The following PRMT8 variants were observed in gnomAD, a reference collection of about 807,000 sequenced individuals.
PRMT8 encodes the protein protein arginine N-methyltransferase 8.
In PRMT8, 7 loss-of-function variants were observed where a neutral mutation model predicts 47.1. That is an observed-to-expected ratio of 0.15 (90% CI 0.08 to 0.28). The LOEUF is 0.28. Ranked by LOEUF, PRMT8 falls within the 10% of genes least tolerant of loss-of-function variation. The pLI is 1.00. For synonymous variants in PRMT8, 188 were observed against 186.5 expected (o/e 1.01, Z -0.07); for missense variants, 237 against 505.4 (o/e 0.47, Z 5.09).
intron 4 of PRMT8, among the ~76,000 whole-genome samples, chr12:3,558,894 A>G (rs924002144): frequency 6.6e-6 from 1 of 152,046 alleles, no homozygotes; most frequent in Middle Eastern, 3.2e-3. Flanking sequence ...TTTCTGGGGG[A>G]GGTACTTTGA....
chr12:3,473,046 GC>G (rs1865175870), intron 1 of PRMT8, among the ~76,000 whole-genome samples: 1 of 152,050 alleles, frequency 6.6e-6, no homozygotes, highest in Admixed American at 6.5e-5. Context: ...TGCCCCAGGC[GC>G]TTTCAATGGA....
intron 3 of PRMT8, 103 bp from the exon 4 acceptor site, chr12:3,553,548 C>T: frequency 9.9e-7 from 1 of 1,006,092 alleles, no homozygotes; most frequent in Admixed American, 1.7e-5. Flanking sequence ...GTGGGCAAGT[C>T]ACCACCCCTG....
intron 1 of PRMT8, among the ~76,000 whole-genome samples, chr12:3,441,045 G>A (rs1300105141): frequency 1.3e-5 from 2 of 152,102 alleles, no homozygotes; most frequent in African/African-American, 4.8e-5. Flanking sequence ...GAACATAAAT[G>A]GAACTTTTGA....
chr12:3,490,980 C>G (rs1449612058), upstream of PRMT8, among the ~76,000 whole-genome samples: 1 of 152,072 alleles, frequency 6.6e-6, no homozygotes, highest in Non-Finnish European at 1.5e-5. Context: ...CGCCCGGCGC[C>G]GGCTTTCTCT....
Position 3,514,108 on chromosome 12 carries a change from G to C in PRMT8, c.75+22408G>C, listed in dbSNP as rs1011092874. 2.2e-4 allele frequency among the ~76,000 whole-genome samples: 34 copies of C among 152,316 alleles called. No homozygotes were observed. The highest frequency in any genetic ancestry group is 7.5e-4 in the African/African-American group (31 of 41,572). On this transcript the variant is annotated intron_variant, in intron 1 of 9. Transcript: ENST00000382622. The surrounding 1 kb of genome is among the most constrained non-coding windows in gnomAD (Gnocchi z 5.9). ...AGCTCCAAGGAGGGGACTTTGTCAGGGTCAAAGAGTTGGCCGCAGGGCCAA... is the reference window on the plus strand; with the variant it reads ...AGCTCCAAGGAGGGGACTTTGTCAGCGTCAAAGAGTTGGCCGCAGGGCCAA...
chr12:3,430,106 C>A (rs1864658521), intron 1 of PRMT8, among the ~76,000 whole-genome samples: 1 of 152,190 alleles, frequency 6.6e-6, no homozygotes, highest in African/African-American at 2.4e-5. Context: ...GTTCCTGTCC[C>A]TTTTAAGGGC....
At chr12:3,537,322 C>G (rs1866136643) in intron 1 of PRMT8, among the ~76,000 whole-genome samples, 1 of 152,184 alleles carries the variant, frequency 6.6e-6, no homozygotes, top group Admixed American at 6.5e-5. Context: ...CATGTACTTG[C>G]CTCATGTGGA....
intron 1 of PRMT8, among the ~76,000 whole-genome samples, chr12:3,464,202 C>A (rs1453347784): frequency 6.7e-6 from 1 of 149,800 alleles, no homozygotes; most frequent in Admixed American, 6.7e-5. Context: ...CTATTTAAAG[C>A]AATAAAGGAA....
chr12:3,496,214 A>ATATATATATATATTTTTTTT, intron 1 of PRMT8, among the ~76,000 whole-genome samples: 8 of 27,770 alleles, frequency 2.9e-4, no homozygotes, highest in African/African-American at 5.3e-4. Context: ...ATATATATAT[A>ATATATATATATATTTTTTTT]TTTTTTTTTT....
intron 1 of PRMT8, among the ~76,000 whole-genome samples, chr12:3,387,200 C>T (rs1157098364): frequency 6.6e-6 from 1 of 152,206 alleles, no homozygotes; most frequent in Non-Finnish European, 1.5e-5. Flanking sequence ...ACAGGCATTG[C>T]TTTTCCTCTT....
At chr12:3,442,634 A>G (rs888421634) in intron 1 of PRMT8, among the ~76,000 whole-genome samples, 2 of 152,182 alleles carry the variant, frequency 1.3e-5, no homozygotes, top group Non-Finnish European at 2.9e-5. Flanking sequence ...CACCGCTTGG[A>G]TGCATTTCCT....
chr12:3,509,096 TGA>T (rs1445480497), intron 1 of PRMT8, among the ~76,000 whole-genome samples: 2 of 152,162 alleles, frequency 1.3e-5, no homozygotes, highest in African/African-American at 4.8e-5. Context: ...CACAGCAGTG[TGA>T]GTGCATATTC....
intron 6 of PRMT8, among the ~76,000 whole-genome samples, chr12:3,574,547 G>T (rs568500555): frequency 6.6e-6 from 1 of 152,394 alleles, no homozygotes; most frequent in African/African-American, 2.4e-5. Flanking sequence ...TGGCAGCAAA[G>T]CCAGAGCTCA....
At chr12:3,579,042 C>T (rs1380615483) in intron 7 of PRMT8, among the ~76,000 whole-genome samples, 4 of 152,070 alleles carry the variant, frequency 2.6e-5, no homozygotes, top group African/African-American at 4.8e-5. Flanking sequence ...TCTACCAGTC[C>T]CTCTGTCCCT....
rs550617840 is a variant in PRMT8 at position 3,403,291 on chromosome 12, G to A, written c.48+21849G>A. Among the ~76,000 whole-genome samples the A allele has an allele frequency of 3.3e-5, 5 of 152,164 alleles. No individual in the cohort carries two copies. In the South Asian group the frequency reaches 1.0e-3, roughly 32 times the overall value. On this transcript the variant is annotated intron_variant, in intron 1 of 9. Transcript: ENST00000452611. ...ATGAGAACACATGGACACATGAGGG[G>A]AACAACACACACTGAGGCCTATGGG...
intron 1 of PRMT8, among the ~76,000 whole-genome samples, chr12:3,382,550 C>A (rs1021733341): frequency 2.0e-5 from 3 of 152,038 alleles, no homozygotes; most frequent in Non-Finnish European, 4.4e-5. Context: ...TGGTTCATAT[C>A]TTTTGCCCGT....
intron 1 of PRMT8, among the ~76,000 whole-genome samples, chr12:3,435,220 C>G (rs1450267848): frequency 6.6e-6 from 1 of 152,102 alleles, no homozygotes; most frequent in Non-Finnish European, 1.5e-5. Flanking sequence ...CCGCCCACCT[C>G]TGCCTCCCAA....
At chr12:3,481,903 C>T (rs1865277560) in intron 1 of PRMT8, among the ~76,000 whole-genome samples, 3 of 152,164 alleles carry the variant, frequency 2.0e-5, no homozygotes, top group Non-Finnish European at 2.9e-5. Context: ...CTCTTCCCTT[C>T]GAATGCAACC....
At chr12:3,582,909 G>T in intron 7 of PRMT8, 149 bp from the exon 8 acceptor site, 1 of 871,308 alleles carries the variant, frequency 1.1e-6, no homozygotes, top group South Asian at 1.9e-5. Context: ...TTGGGAGGGC[G>T]GTGGGGAGCC....
Sources: allele counts gnomAD v4.1 joint callset (sites outside exome capture counted in the v4.1 genomes callset), GRCh38; gene constraint gnomAD v4.1.1; non-coding constraint Gnocchi (gnomAD v3.1); transcripts MANE v1.5; gene names NCBI Gene and HGNC (gene_info 2026-07-23, HGNC 2026-07-21).